The following ANTXR1 variants were observed in gnomAD, a reference collection of about 807,000 sequenced individuals.
ANTXR1 encodes the protein anthrax toxin receptor 1.
Under a neutral mutation model 78.1 loss-of-function variants are expected in ANTXR1, and 19 were observed. The observed-to-expected ratio is 0.24, with a 90% confidence interval of 0.17 to 0.36. The LOEUF is 0.36. ANTXR1 is among the 10% of genes least tolerant of loss of function. ANTXR1 has a pLI of 1.00. For synonymous variants in ANTXR1, 273 were observed against 260.5 expected, an observed-to-expected ratio of 1.05 and a Z score of -0.46; for missense variants, 518 against 718.6, an observed-to-expected ratio of 0.72 and a Z score of 3.19.
At chr2:69,015,868 C>CA (rs1179394688) in intron 1 of ANTXR1, among the ~76,000 whole-genome samples, 1 of 151,626 alleles carries the variant, frequency 6.6e-6, no homozygotes, top group African/African-American at 2.4e-5. Flanking sequence ...GCAGTAAAAG[C>CA]AAAATCCCAA....
At chr2:69,018,089 A>G (rs1035400506) in intron 1 of ANTXR1, among the ~76,000 whole-genome samples, 1 of 152,112 alleles carries the variant, frequency 6.6e-6, no homozygotes, top group Non-Finnish European at 1.5e-5. Flanking sequence ...AGGAGTGGAG[A>G]TGGTGGTCTG....
In ANTXR1 at chr2:69,162,093, TG is replaced by T. The variant is rs140553770; in HGVS notation, c.1048-8153del. 0.011 allele frequency among the ~76,000 whole-genome samples: 1,738 copies of T among 152,186 alleles called. 53 individuals carry two copies. In the East Asian group the frequency reaches 0.13, roughly 11 times the overall value. On this transcript the variant is annotated intron_variant, in intron 13 of 17. Coordinates refer to ENST00000303714, the MANE Select transcript of ANTXR1 (RefSeq NM_032208.3). ...ACAGCAAAAGAAAAACAAAAATTCC[TG>T]GAAAAAATAGAATAGAAGTTGCCTT...
At chr2:69,137,205 G>GT (rs1672934739) in intron 12 of ANTXR1, among the ~76,000 whole-genome samples, 1 of 151,922 alleles carries the variant, frequency 6.6e-6, no homozygotes, top group African/African-American at 2.4e-5. Context: ...TAAGTTTATG[G>GT]TTCTACTTTT....
chr2:69,249,101 G>A lies in ANTXR1; in HGVS notation c.*3616G>A, dbSNP rs1393298250. On this transcript the variant is annotated 3_prime_UTR_variant, in exon 18 of 18. Transcript: ENST00000303714. ...TCACTATACCATGCTATAGGAGACT[G>A]GGCAAAACCTGTACAATGACAACCC... 3.3e-5 allele frequency: 5 copies of A among 152,114 alleles called. No homozygotes were observed. The highest frequency in any genetic ancestry group is 4.4e-5 in the Non-Finnish European group (3 of 68,018). 9.4% of individuals were successfully genotyped at this position (152,114 alleles called of 1,614,324 possible).
rs575375975 is a variant in ANTXR1 at position 69,168,731 on chromosome 2, G to T, written c.1048-1517G>T. 2.6e-5 allele frequency among the ~76,000 whole-genome samples: 4 copies of T among 152,290 alleles called. No individual in the cohort carries two copies. The East Asian group carries it at 7.7e-4, about 29-fold the overall frequency. On this transcript the variant is annotated intron_variant, in intron 13 of 17. Transcript: ENST00000303714. ...ATGATGGGAAATCAGTCCTGGACAGGAGCGATCCTCCCCAGAGATTTCCTT... is the reference window on the plus strand; with the variant it reads ...ATGATGGGAAATCAGTCCTGGACAGTAGCGATCCTCCCCAGAGATTTCCTT...
chr2:69,201,050 A>G (rs1674761757), intron 17 of ANTXR1, among the ~76,000 whole-genome samples: 1 of 152,162 alleles, frequency 6.6e-6, no homozygotes, highest in African/African-American at 2.4e-5. Flanking sequence ...GCCAATGAGC[A>G]CTGTATTAGT....
chr2:69,042,981 C>T (rs934002986), intron 2 of ANTXR1, among the ~76,000 whole-genome samples: 19 of 152,200 alleles, frequency 1.2e-4, no homozygotes, highest in Admixed American at 2.0e-4. Flanking sequence ...TCACTGCTGA[C>T]ACTCTCTCTG....
At chr2:69,059,555 T>C (rs1280136346) in intron 3 of ANTXR1, among the ~76,000 whole-genome samples, 1 of 152,152 alleles carries the variant, frequency 6.6e-6, no homozygotes, top group Non-Finnish European at 1.5e-5. Context: ...CTTGGCTCAC[T>C]GCAACCTCCG....
intron 10 of ANTXR1, among the ~76,000 whole-genome samples, chr2:69,120,351 G>A (rs898009158): frequency 1.3e-5 from 2 of 152,160 alleles, no homozygotes; most frequent in African/African-American, 2.4e-5. Flanking sequence ...TATCATCACC[G>A]ATGGAAGGAC....
At chr2:69,153,709 G>T (rs1446108092) in intron 13 of ANTXR1, among the ~76,000 whole-genome samples, 5 of 152,214 alleles carry the variant, frequency 3.3e-5, no homozygotes, top group Non-Finnish European at 5.9e-5. Context: ...AAAAAGAAAA[G>T]AAAAACCTTA....
intron 12 of ANTXR1, among the ~76,000 whole-genome samples, chr2:69,129,025 G>A (rs180741271): frequency 1.1e-3 from 164 of 152,204 alleles, no homozygotes; most frequent in African/African-American, 3.7e-3. Flanking sequence ...AGATTTTTCC[G>A]TCCAAGAGCT....
chr2:69,202,487 A>G (rs1406332046), intron 17 of ANTXR1, among the ~76,000 whole-genome samples: 1 of 152,168 alleles, frequency 6.6e-6, no homozygotes, highest in Admixed American at 6.5e-5. Context: ...CTAGAATTGG[A>G]AAGAGTTCTT....
intron 1 of ANTXR1, among the ~76,000 whole-genome samples, chr2:69,014,785 A>G (rs1198272755): frequency 6.6e-6 from 1 of 152,254 alleles, no homozygotes; most frequent in Non-Finnish European, 1.5e-5. Context: ...CTGGCTAGCT[A>G]GACACCAAAT....
intron 12 of ANTXR1, among the ~76,000 whole-genome samples, chr2:69,137,733 A>G (rs6705591): frequency 0.34 from 50,667 of 147,938 alleles, 10,126 homozygotes; most frequent in African/African-American, 0.55. Flanking sequence ...AGTCTGCAGT[A>G]GGTCATGATT....
At chr2:69,035,025 G>A (rs4372940) in intron 1 of ANTXR1, among the ~76,000 whole-genome samples, 37,094 of 152,044 alleles carry the variant, frequency 0.24, 8,872 homozygotes, top group African/African-American at 0.6. Context: ...TATTCTGGCA[G>A]TAGCTACTAG....
intron 13 of ANTXR1, among the ~76,000 whole-genome samples, chr2:69,167,956 T>C (rs1012390567): frequency 2.0e-5 from 3 of 152,366 alleles, no homozygotes; most frequent in Non-Finnish European, 2.9e-5. Context: ...TTAAATTAAA[T>C]AGCAACCGCA....
intron 13 of ANTXR1, among the ~76,000 whole-genome samples, chr2:69,168,569 TCC>T (rs1453213376): frequency 6.6e-6 from 1 of 152,106 alleles, no homozygotes; most frequent in Admixed American, 6.5e-5. Flanking sequence ...TTCCCAAACA[TCC>T]TGTTCCCCCT....
At chr2:69,181,029 C>A (rs147819948) in intron 14 of ANTXR1, among the ~76,000 whole-genome samples, 1 of 152,202 alleles carries the variant, frequency 6.6e-6, no homozygotes, top group Non-Finnish European at 1.5e-5. Flanking sequence ...GAGGGGGGCA[C>A]ATGATAAGGA....
intron 8 of ANTXR1, among the ~76,000 whole-genome samples, chr2:69,084,167 C>G (rs978287198): frequency 6.6e-6 from 1 of 152,176 alleles, no homozygotes; most frequent in African/African-American, 2.4e-5. Flanking sequence ...GAAATCAGCT[C>G]CCAAGAAAGG....
Sources: gnomAD v4.1 joint callset for allele counts (sites outside exome capture counted in the v4.1 genomes callset) on GRCh38, gnomAD v4.1.1 for gene constraint, MANE v1.5 for transcripts, NCBI Gene and HGNC (gene_info 2026-07-23, HGNC 2026-07-21) for gene names.